The following CLIP2 variants were observed in gnomAD, a reference collection of about 807,000 sequenced individuals.
CLIP2 encodes the protein CAP-Gly domain containing linker protein 2.
Under a neutral mutation model 111.7 loss-of-function variants are expected in CLIP2, and 41 were observed. That is an observed-to-expected ratio of 0.37 (90% CI 0.29 to 0.48). The LOEUF is 0.48. Among genes scored for constraint, CLIP2 ranks in the 20% least tolerant of loss-of-function variants. CLIP2 has a pLI of 0.99. For missense variants in CLIP2, 1,160 were observed against 1,422.1 expected (o/e 0.82, Z 2.96); for synonymous variants, 660 against 644.2 (o/e 1.02, Z -0.37).
intron 3 of CLIP2, among the ~76,000 whole-genome samples, chr7:74,353,206 G>C (rs1160741466): frequency 6.7e-6 from 1 of 150,304 alleles, no homozygotes; most frequent in African/African-American, 2.4e-5. Flanking sequence ...TGAAGCTCTA[G>C]TATATACTAG....
intron 1 of CLIP2, among the ~76,000 whole-genome samples, chr7:74,303,447 C>A (rs1416261742): frequency 3.9e-5 from 6 of 151,984 alleles, no homozygotes; most frequent in African/African-American, 1.5e-4. Context: ...CTTGGGGAGC[C>A]CCCTTCATGC....
intron 2 of CLIP2, among the ~76,000 whole-genome samples, chr7:74,318,311 G>A (rs1788846199): frequency 6.6e-6 from 1 of 152,040 alleles, no homozygotes; most frequent in Non-Finnish European, 1.5e-5. Flanking sequence ...AGGTGTGCGG[G>A]GAGTTTCATT....
At chr7:74,303,589 CTCT>C (rs1788395400) in intron 1 of CLIP2, among the ~76,000 whole-genome samples, 1 of 146,218 alleles carries the variant, frequency 6.8e-6, no homozygotes, top group South Asian at 2.2e-4. Context: ...CCCCTTGTGT[CTCT>C]TATTTTTTTT....
chr7:74,399,547 G>GC (rs1343530320), intron 14 of CLIP2, among the ~76,000 whole-genome samples: 1 of 127,536 alleles, frequency 7.8e-6, no homozygotes, highest in Non-Finnish European at 1.7e-5. Flanking sequence ...TTTTTTGGGG[G>GC]GGGGGGGGTG....
intron 1 of CLIP2, among the ~76,000 whole-genome samples, chr7:74,292,325 G>A (rs781967156): frequency 2.6e-5 from 4 of 152,020 alleles, no homozygotes; most frequent in African/African-American, 4.8e-5. Flanking sequence ...GTTCTTGTGA[G>A]AACTTCAGCT....
rs1564050179 is a variant in CLIP2 at position 74,338,504 on chromosome 7, G to GC, written c.183dup (p.Glu62ArgfsTer13). 1.2e-6 allele frequency: 2 copies of GC among 1,611,404 alleles called. No homozygotes were observed. The highest frequency in any genetic ancestry group is 8.5e-7 in the Non-Finnish European group (1 of 1,179,356). On this transcript the variant is annotated frameshift_variant, in exon 3 of 17. Transcript: ENST00000223398. LOFTEE classifies it high-confidence loss of function. The surrounding 1 kb of genome is among the most constrained non-coding windows in gnomAD (Gnocchi z 4.3). ...CTCCTCCTCCCCGGCCGCAGCTGCT[G>GC]CCCCCGAGAAGCCGGGCCCCAAGGC...
chr7:74,386,927 G>C (rs1791122827), intron 12 of CLIP2, among the ~76,000 whole-genome samples: 1 of 151,480 alleles, frequency 6.6e-6, no homozygotes, highest in Non-Finnish European at 1.5e-5. Flanking sequence ...GGAGGCTGAG[G>C]CAGGAGAATC....
intron 10 of CLIP2, chr7:74,380,567 A>G: frequency 2.5e-6 from 1 of 399,048 alleles, no homozygotes; most frequent in Non-Finnish European, 4.5e-6. Flanking sequence ...GTATTCATGT[A>G]TAAGCTGCAC....
At chr7:74,373,070 G>T in intron 9 of CLIP2, 34 bp downstream of exon 9, 1 of 1,447,086 alleles carries the variant, frequency 6.9e-7, no homozygotes. Flanking sequence ...TGGCCCGCCA[G>T]CCACCTTGCC....
chr7:74,318,056 G>T (rs951848645), intron 2 of CLIP2, among the ~76,000 whole-genome samples: 3 of 152,012 alleles, frequency 2.0e-5, no homozygotes, highest in African/African-American at 7.2e-5. Context: ...AAATTAGCCA[G>T]GCGTGGTGGC....
chr7:74,323,978 C>T (rs1554730351), intron 2 of CLIP2, among the ~76,000 whole-genome samples: 2 of 152,076 alleles, frequency 1.3e-5, no homozygotes, highest in Admixed American at 1.3e-4. Flanking sequence ...TTTCCTATTA[C>T]ACAAGTTGTG....
At chr7:74,369,677 T>C (rs146711803) in intron 8 of CLIP2, among the ~76,000 whole-genome samples, 3,551 of 137,598 alleles carry the variant, frequency 0.026, 78 homozygotes, top group African/African-American at 0.079. Context: ...GCTAACATGG[T>C]GAAACCCCAT....
At chr7:74,327,762 G>T (rs1168191157) in intron 2 of CLIP2, among the ~76,000 whole-genome samples, 3 of 152,168 alleles carry the variant, frequency 2.0e-5, no homozygotes, top group African/African-American at 7.2e-5. Flanking sequence ...TCCCTGACGT[G>T]GTCCAGGATC....
chr7:74,332,970 C>T (rs1564045416), intron 2 of CLIP2, among the ~76,000 whole-genome samples: 2 of 152,202 alleles, frequency 1.3e-5, no homozygotes, highest in Non-Finnish European at 2.9e-5. Flanking sequence ...CAGGGCAGGA[C>T]CCGCGTCCTC....
intron 8 of CLIP2, 40 bp from the exon 9 acceptor site, chr7:74,372,892 C>T (rs782121130): frequency 1.0e-5 from 5 of 488,430 alleles, no homozygotes; most frequent in South Asian, 8.4e-5. Context: ...CCTGCGTCCC[C>T]GCCCCCACCC....
At chr7:74,331,928 T>A (rs1232418267) in intron 2 of CLIP2, among the ~76,000 whole-genome samples, 1 of 151,690 alleles carries the variant, frequency 6.6e-6, no homozygotes, top group African/African-American at 2.4e-5. Context: ...ACAAGGAGAG[T>A]GTATTTGTGT....
In CLIP2 at chr7:74,356,465, C is replaced by A. The variant is rs782570627; in HGVS notation, c.859C>A (p.Arg287Ser). Residue 287 changes from arginine to serine, a missense_variant, in exon 5 of 17, where the codon CGT becomes AGT. Around this residue, in one of 5 missense-constraint regions of CLIP2, gnomAD observed 110 missense variants for 185.2 expected, o/e 0.59. Coordinates refer to ENST00000223398, the MANE Select transcript of CLIP2 (RefSeq NM_003388.5). ...CTTCGCGCCCATCCACAAAGTGATC[C>A]GTATCGGCTTCCCATCTACCAGCCC... ...GLFAPIHKVI[R>S]IGFPSTSPAK... 1 of 1,614,090 alleles carries A rather than the reference C, an allele frequency of 6.2e-7. No homozygotes were observed. The highest frequency in any genetic ancestry group is 1.3e-5 in the African/African-American group (1 of 74,930).
At chr7:74,337,027 A>C (rs1789493054) in intron 2 of CLIP2, among the ~76,000 whole-genome samples, 1 of 151,670 alleles carries the variant, frequency 6.6e-6, no homozygotes, top group Non-Finnish European at 1.5e-5. Context: ...CTGGGATTAC[A>C]GGCACCCACT....
chr7:74,292,085 C>A (rs557688978), intron 1 of CLIP2, among the ~76,000 whole-genome samples: 2 of 152,152 alleles, frequency 1.3e-5, no homozygotes, highest in East Asian at 1.9e-4. Context: ...CCATGTCCGG[C>A]TAATTTTAGT....
Sources: allele counts gnomAD v4.1 joint callset (sites outside exome capture counted in the v4.1 genomes callset), GRCh38; gene constraint gnomAD v4.1.1; regional missense constraint gnomAD v4.1.1; non-coding constraint Gnocchi (gnomAD v3.1); transcripts MANE v1.5; gene names NCBI Gene and HGNC (gene_info 2026-07-23, HGNC 2026-07-21).